Variants in ANTXR1 observed in about 807,000 individuals in gnomAD.
The protein encoded by ANTXR1 is ANTXR cell adhesion molecule 1.
In ANTXR1, 19 loss-of-function variants were observed where a neutral mutation model predicts 78.1. That is an observed-to-expected ratio of 0.24 (90% CI 0.17 to 0.36). ANTXR1 has a LOEUF of 0.36. ANTXR1 is among the 10% of genes least tolerant of loss of function. The probability of loss-of-function intolerance (pLI) is 1.00; values close to 1 mark genes in which losing one functional copy is unlikely to be tolerated. For missense variants in ANTXR1, 518 were observed against 718.6 expected, an observed-to-expected ratio of 0.72 and a Z score of 3.19; for synonymous variants, 273 against 260.5, an observed-to-expected ratio of 1.05 and a Z score of -0.46.
chr2:69,244,595 C>T (rs1338105173), intron 17 of ANTXR1, among the ~76,000 whole-genome samples: 1 of 152,234 alleles, frequency 6.6e-6, no homozygotes, highest in African/African-American at 2.4e-5. Flanking sequence ...GTAAATGCAT[C>T]AGGGCCTCCA....
intron 12 of ANTXR1, chr2:69,146,143 C>G: frequency 1.0e-6 from 1 of 985,366 alleles, no homozygotes; most frequent in Non-Finnish European, 1.2e-6. Flanking sequence ...TTGAATGTTG[C>G]CTGTCTGCCT....
intron 13 of ANTXR1, among the ~76,000 whole-genome samples, chr2:69,162,029 A>C (rs1308195292): frequency 6.6e-6 from 1 of 152,208 alleles, no homozygotes; most frequent in East Asian, 1.9e-4. Context: ...GTGGAAAAAA[A>C]AAAATCCATT....
chr2:69,022,740 T>C (rs6733314), intron 1 of ANTXR1, among the ~76,000 whole-genome samples: 21,933 of 152,224 alleles, frequency 0.14, 4,575 homozygotes, highest in African/African-American at 0.46. Context: ...ACAAGAAAAG[T>C]TGCCCCATAA....
chr2:69,083,675 C>A (rs752703184), intron 8 of ANTXR1, among the ~76,000 whole-genome samples: 1 of 151,790 alleles, frequency 6.6e-6, no homozygotes, highest in South Asian at 2.1e-4. Flanking sequence ...TACCATAGAG[C>A]TTTTGTGACC....
At chr2:69,237,904 A>G (rs1390491319) in intron 17 of ANTXR1, among the ~76,000 whole-genome samples, 3 of 152,240 alleles carry the variant, frequency 2.0e-5, no homozygotes, top group African/African-American at 7.2e-5. Context: ...TGGAAAGCCA[A>G]AATATCAAAG....
At chr2:69,215,312 G>A (rs79018314) in intron 17 of ANTXR1, among the ~76,000 whole-genome samples, 7,974 of 152,194 alleles carry the variant, frequency 0.052, 552 homozygotes, top group African/African-American at 0.15. Flanking sequence ...TACATCCTTC[G>A]CCCTACCCAG....
rs370519411 is a variant in ANTXR1, at chr2:69,206,734, C to G, written c.1434+13319C>G. On this transcript the variant is annotated intron_variant, in intron 17 of 17. Transcript: ENST00000303714. ...TGCTTGTAAACAATAAGCACACCCC[C>G]CAAAATCAGGAATAAGCCCATGAGA... is the stretch of plus-strand genomic sequence containing the variant. 7.7e-4 allele frequency among the ~76,000 whole-genome samples: 118 copies of G among 152,268 alleles called. 2 individuals are homozygous for G. In the East Asian group the frequency reaches 0.014, roughly 17 times the overall value.
intron 9 of ANTXR1, among the ~76,000 whole-genome samples, chr2:69,091,939 G>A (rs1671254747): frequency 6.6e-6 from 1 of 152,168 alleles, no homozygotes; most frequent in Non-Finnish European, 1.5e-5. Context: ...TTCTTGACAG[G>A]TTCCCCATCA....
chr2:69,136,785 T>G (rs372033767), intron 12 of ANTXR1, among the ~76,000 whole-genome samples: 1 of 151,956 alleles, frequency 6.6e-6, no homozygotes, highest in Non-Finnish European at 1.5e-5. Context: ...AAGAACAGAA[T>G]AGAAAACAAG....
At chr2:69,146,545 A>ACTGC (rs1319578213) in intron 12 of ANTXR1, 2 of 301,458 alleles carry the variant, frequency 6.6e-6, no homozygotes, top group Non-Finnish European at 9.8e-6. Context: ...GGCAGGTGGC[A>ACTGC]CTGCCAAGGG....
intron 17 of ANTXR1, among the ~76,000 whole-genome samples, chr2:69,223,995 A>C (rs1258354671): frequency 6.6e-6 from 1 of 152,244 alleles, no homozygotes; most frequent in African/African-American, 2.4e-5. Context: ...CGGTCCTGCC[A>C]ATGACAAGTT....
intron 1 of ANTXR1, among the ~76,000 whole-genome samples, chr2:69,014,826 T>C (rs1670974158): frequency 6.6e-6 from 1 of 152,224 alleles, no homozygotes; most frequent in Non-Finnish European, 1.5e-5. Context: ...GAGTTTGATT[T>C]TTCCGTAAAG....
rs71413182 is a variant in ANTXR1 at position 69,072,817 on chromosome 2, G to A, written c.413-205G>A. 7.3e-3 allele frequency among the ~76,000 whole-genome samples: 1,117 copies of A among 152,338 alleles called. 21 individuals are homozygous for A. Among genetic ancestry groups the A allele is most frequent in the Non-Finnish European group, 6.6e-3 (446 of 68,018 alleles). ...CAAGATGAGGCTGAAAAATGAGAAAGCAAAACCTATTCCCCCTAAAGTCTG... is the reference window on the plus strand; with the variant it reads ...CAAGATGAGGCTGAAAAATGAGAAAACAAAACCTATTCCCCCTAAAGTCTG... On this transcript the variant is annotated intron_variant, in intron 5 of 17. Transcript: ENST00000303714.
At chr2:69,027,662 G>A (rs1206120432) in intron 1 of ANTXR1, among the ~76,000 whole-genome samples, 1 of 150,548 alleles carries the variant, frequency 6.6e-6, no homozygotes, top group African/African-American at 2.5e-5. Context: ...GTGTGTGTAA[G>A]CTATTTTGGA....
At chr2:69,116,065 G>A (rs1672135066) in intron 10 of ANTXR1, among the ~76,000 whole-genome samples, 1 of 152,192 alleles carries the variant, frequency 6.6e-6, no homozygotes. Flanking sequence ...TGTTCAGCCT[G>A]TCCAAGTAAA....
intron 9 of ANTXR1, among the ~76,000 whole-genome samples, chr2:69,099,248 A>G (rs1671530827): frequency 6.6e-6 from 1 of 152,160 alleles, no homozygotes; most frequent in South Asian, 2.1e-4. Flanking sequence ...ATTTAGCATA[A>G]TGTTTTCAAG....
At position 69,137,028 on chromosome 2, in the gene ANTXR1, A is replaced by G. The variant is rs546802474; in HGVS notation, c.951+12385A>G. ...CCCCACCTACCCCTTTCCTTCCTAG[A>G]AAGCCTTTGTACACAAAATGGTTGC... On this transcript the variant is annotated intron_variant, in intron 12 of 17. Coordinates refer to ENST00000303714, the MANE Select transcript of ANTXR1 (RefSeq NM_032208.3). Among the ~76,000 whole-genome samples the G allele has an allele frequency of 3.9e-5, 6 of 152,298 alleles. No homozygotes were observed. The South Asian group carries it at 8.3e-4, about 21-fold the overall frequency.
At chr2:69,108,141 A>C (rs1034385999) in intron 10 of ANTXR1, among the ~76,000 whole-genome samples, 1 of 152,234 alleles carries the variant, frequency 6.6e-6, no homozygotes, top group Non-Finnish European at 1.5e-5. Context: ...AATTTCATTT[A>C]ATTTTTATTA....
chr2:69,038,390 G>A (rs1669510097), intron 1 of ANTXR1, among the ~76,000 whole-genome samples: 1 of 152,150 alleles, frequency 6.6e-6, no homozygotes. Context: ...TTCAAGATGA[G>A]CACACAAAAA....
Sources: allele counts gnomAD v4.1 joint callset (sites outside exome capture counted in the v4.1 genomes callset), GRCh38; gene constraint gnomAD v4.1.1; transcripts MANE v1.5; gene names NCBI Gene and HGNC (gene_info 2026-07-23, HGNC 2026-07-21).